The following PCTP variants were observed in gnomAD, a reference collection of about 807,000 sequenced individuals.
PCTP encodes START domain-containing protein 2.
A neutral mutation model predicts 31.0 loss-of-function variants in PCTP; 27 were observed. The observed-to-expected ratio is 0.87, with a 90% CI of 0.64 to 1.20. The LOEUF (loss-of-function observed/expected upper bound fraction) is 1.20. Ranked by LOEUF, PCTP falls within the 50% of genes most tolerant of loss-of-function variation. PCTP has a pLI of 0.00. For synonymous variants in PCTP, 108 were observed against 101.2 expected, an observed-to-expected ratio of 1.07 and a Z score of -0.40; for missense variants, 287 against 268.2, an observed-to-expected ratio of 1.07 and a Z score of -0.49.
chr17:55,797,829 C>A (rs969462249), intron 3 of PCTP, among the ~76,000 whole-genome samples: 6 of 151,784 alleles, frequency 4.0e-5, no homozygotes, highest in African/African-American at 1.5e-4. Context: ...TGACACAATG[C>A]CTTCAATAAA....
chr17:55,845,981 T>G (rs1326734409), downstream of PCTP, among the ~76,000 whole-genome samples: 1 of 151,878 alleles, frequency 6.6e-6, no homozygotes, highest in Non-Finnish European at 1.5e-5. Context: ...ATGCGCCCTG[T>G]GTATCCATGG....
chr17:55,756,279 T>A (rs1340674089), intron 1 of PCTP, among the ~76,000 whole-genome samples: 1 of 152,158 alleles, frequency 6.6e-6, no homozygotes, highest in Non-Finnish European at 1.5e-5. Context: ...TGATGAAATG[T>A]CCAGTGGAAA....
intron 2 of PCTP, among the ~76,000 whole-genome samples, chr17:55,787,129 C>A (rs146973346): frequency 1.3e-5 from 2 of 151,436 alleles, no homozygotes; most frequent in Non-Finnish European, 2.9e-5. Context: ...GAACATCGAT[C>A]GTCTTCATTG....
intron 5 of PCTP, among the ~76,000 whole-genome samples, chr17:55,834,838 G>A (rs1259232652): frequency 2.0e-5 from 3 of 152,174 alleles, no homozygotes; most frequent in Non-Finnish European, 4.4e-5. Context: ...GTTTAGGCAA[G>A]TCAGTATTTG....
chr17:55,825,683 C>A (rs927856842), downstream of PCTP, among the ~76,000 whole-genome samples: 73 of 152,178 alleles, frequency 4.8e-4, 1 homozygote, highest in Non-Finnish European at 6.6e-4. Flanking sequence ...ATCTTCCTTG[C>A]AACAATGAAA....
chr17:55,763,620 A>G (rs1910464260), intron 1 of PCTP, among the ~76,000 whole-genome samples: 1 of 152,162 alleles, frequency 6.6e-6, no homozygotes, highest in African/African-American at 2.4e-5. Flanking sequence ...AACTATTTAT[A>G]CCATGTGATT....
the PCTP span, among the ~76,000 whole-genome samples, chr17:55,851,181 G>A: frequency 1.3e-5 from 2 of 152,186 alleles, no homozygotes; most frequent in African/African-American, 4.8e-5. Context: ...TTTCTTAAAA[G>A]TATGATTATG....
rs138458417 is a variant in PCTP at position 55,833,443 on chromosome 17, T to C, written n.506-9284T>C. ...AAAATGAACAATTTATCCACAGTGC[T>C]GGTCCAAATAAGGGAAGTATCCTCC... On this transcript the variant is annotated intron_variant and non_coding_transcript_variant, in intron 5 of 5. Coordinates refer to the PCTP transcript ENST00000576221. 6.6e-5 allele frequency among the ~76,000 whole-genome samples: 10 copies of C among 152,354 alleles called. 1 individual carries two copies. In the East Asian group the frequency reaches 1.9e-3, roughly 29 times the overall value.
intron 3 of PCTP, among the ~76,000 whole-genome samples, chr17:55,814,203 AAGG>A (rs1305649081): frequency 1.3e-5 from 2 of 152,174 alleles, no homozygotes; most frequent in East Asian, 3.8e-4. Flanking sequence ...ATTCTAGAGG[AAGG>A]AGGAGGTTTG....
intron 3 of PCTP, among the ~76,000 whole-genome samples, chr17:55,802,441 C>G (rs1235324803): frequency 6.6e-6 from 1 of 152,182 alleles, no homozygotes; most frequent in South Asian, 2.1e-4. Flanking sequence ...AAGCCAATAT[C>G]TCTAATGAAC....
chr17:55,751,317 G>T, intron 1 of PCTP, 73 bp downstream of exon 1: 2 of 1,516,300 alleles, frequency 1.3e-6, no homozygotes, highest in Non-Finnish European at 1.8e-6. Flanking sequence ...GGGAGTGCGG[G>T]GCGGCAGTCG....
At chr17:55,756,888 C>G (rs1456414875) in intron 1 of PCTP, among the ~76,000 whole-genome samples, 2 of 152,156 alleles carry the variant, frequency 1.3e-5, no homozygotes, top group African/African-American at 2.4e-5. Flanking sequence ...AGGAGGCCCA[C>G]AGGACTGGAG....
intron 3 of PCTP, among the ~76,000 whole-genome samples, chr17:55,802,947 T>C (rs1912439162): frequency 6.6e-6 from 1 of 152,226 alleles, no homozygotes; most frequent in Admixed American, 6.5e-5. Context: ...CATGATTGTA[T>C]ATTAAGCAAA....
At chr17:55,764,123 G>A (rs1375829631) in intron 1 of PCTP, among the ~76,000 whole-genome samples, 1 of 152,192 alleles carries the variant, frequency 6.6e-6, no homozygotes, top group Non-Finnish European at 1.5e-5. Flanking sequence ...ACTATGGGTT[G>A]TAACTACATT....
At chr17:55,785,738 A>C (rs1911725650) in intron 2 of PCTP, among the ~76,000 whole-genome samples, 1 of 152,192 alleles carries the variant, frequency 6.6e-6, no homozygotes, top group Non-Finnish European at 1.5e-5. Context: ...CAGTGAACAA[A>C]ATATCTGTCC....
intron 3 of PCTP, among the ~76,000 whole-genome samples, chr17:55,788,956 A>G (rs553130268): frequency 6.6e-6 from 1 of 152,312 alleles, no homozygotes; most frequent in Non-Finnish European, 1.5e-5. Flanking sequence ...TAGAAAGAAT[A>G]CAGACATTGG....
At chr17:55,751,327 G>T in intron 1 of PCTP, 83 bp downstream of exon 1, 1 of 1,516,024 alleles carries the variant, frequency 6.6e-7, no homozygotes, top group Non-Finnish European at 8.8e-7. Context: ...GGCGGCAGTC[G>T]CGGAAGGGAC....
At chr17:55,758,969 A>C (rs1470944454) in intron 1 of PCTP, among the ~76,000 whole-genome samples, 2 of 152,208 alleles carry the variant, frequency 1.3e-5, no homozygotes, top group African/African-American at 4.8e-5. Context: ...GGAGGTGGCT[A>C]TTAATAAAAC....
the PCTP span, among the ~76,000 whole-genome samples, chr17:55,848,168 C>T: frequency 6.6e-6 from 1 of 152,114 alleles, no homozygotes; most frequent in Admixed American, 6.5e-5. Context: ...CCTCAGCCTC[C>T]CCAGTTGCTG....
Sources: gnomAD v4.1 joint callset for allele counts (sites outside exome capture counted in the v4.1 genomes callset) on GRCh38, gnomAD v4.1.1 for gene constraint, MANE v1.5 for transcripts, NCBI Gene and HGNC (gene_info 2026-07-23, HGNC 2026-07-21) for gene names.